NTM: variants seen among roughly 807,000 people sequenced by gnomAD.
The protein encoded by NTM is neurotrimin, also known as IgLON family member 2.
Under a neutral mutation model 42.1 loss-of-function variants are expected in NTM, and 13 were observed. That is an observed-to-expected ratio of 0.31 (90% CI 0.20 to 0.49). NTM has a LOEUF of 0.49. Ranked by LOEUF, NTM falls within the 20% of genes least tolerant of loss-of-function variation. The probability of loss-of-function intolerance (pLI) is 0.99; values close to 1 mark genes in which losing one functional copy is unlikely to be tolerated. For missense variants in NTM, 373 were observed against 452.8 expected, an observed-to-expected ratio of 0.82 and a Z score of 1.60; for synonymous variants, 187 against 179.2, an observed-to-expected ratio of 1.04 and a Z score of -0.35.
intron 2 of NTM, among the ~76,000 whole-genome samples, chr11:132,037,498 T>C (rs571756478): frequency 1.3e-5 from 2 of 152,346 alleles, no homozygotes; most frequent in South Asian, 4.1e-4. Flanking sequence ...TGAAGTCCTC[T>C]CCAGCTGACC....
chr11:132,040,406 G>T (rs1410168930), intron 2 of NTM, among the ~76,000 whole-genome samples: 2 of 152,208 alleles, frequency 1.3e-5, no homozygotes, highest in Non-Finnish European at 2.9e-5. Context: ...ATTGAAAGCT[G>T]CATGCACCAA....
chr11:132,142,870 G>A (rs368565640), intron 2 of NTM, among the ~76,000 whole-genome samples: 13 of 152,230 alleles, frequency 8.5e-5, no homozygotes, highest in East Asian at 3.9e-4. Flanking sequence ...GACGGCTTCC[G>A]TTTCTGTCAA....
At chr11:131,407,790 A>G (rs1299842090) in intron 1 of NTM, among the ~76,000 whole-genome samples, 1 of 152,144 alleles carries the variant, frequency 6.6e-6, no homozygotes, top group East Asian at 1.9e-4. Context: ...GGGCAGGGAG[A>G]GGAGACGCTT....
chr11:132,143,842 G>A (rs2069710999), intron 2 of NTM, among the ~76,000 whole-genome samples: 2 of 152,110 alleles, frequency 1.3e-5, no homozygotes, highest in South Asian at 4.2e-4. Context: ...GCAGTCATGG[G>A]GTCTGCAAGG....
intron 1 of NTM, among the ~76,000 whole-genome samples, chr11:131,556,159 T>C (rs1327260009): frequency 6.6e-6 from 1 of 152,078 alleles, no homozygotes; most frequent in Non-Finnish European, 1.5e-5. Flanking sequence ...TGAACACAAG[T>C]GACAAGATTA....
intron 1 of NTM, among the ~76,000 whole-genome samples, chr11:131,814,359 C>G (rs2092861347): frequency 6.6e-6 from 1 of 152,186 alleles, no homozygotes; most frequent in African/African-American, 2.4e-5. Flanking sequence ...CCTGGCACCA[C>G]TCCACCAGCT....
intron 4 of NTM, among the ~76,000 whole-genome samples, chr11:132,249,439 C>G (rs2091665196): frequency 6.6e-6 from 1 of 152,146 alleles, no homozygotes; most frequent in Non-Finnish European, 1.5e-5. Flanking sequence ...GAGGAGGCCA[C>G]CCACCTGCAG....
chr11:132,031,003 C>T (rs1469095655), intron 2 of NTM, among the ~76,000 whole-genome samples: 4 of 151,830 alleles, frequency 2.6e-5, no homozygotes, highest in Non-Finnish European at 1.5e-5. Context: ...CTCACCCAGA[C>T]CTGGTTGATG....
At chr11:132,145,789 G>A (rs146912070) in intron 2 of NTM, among the ~76,000 whole-genome samples, 182 of 152,260 alleles carry the variant, frequency 1.2e-3, no homozygotes, top group African/African-American at 4.2e-3. Context: ...CTGGGTCTCT[G>A]ATCTAACACA....
At chr11:131,738,854 G>A (rs1490363318) in intron 1 of NTM, among the ~76,000 whole-genome samples, 1 of 152,194 alleles carries the variant, frequency 6.6e-6, no homozygotes, top group Non-Finnish European at 1.5e-5. Context: ...GTGGAGAGAG[G>A]AGTGCTTGGT....
At chr11:132,152,502 A>T (rs557974366) in intron 3 of NTM, among the ~76,000 whole-genome samples, 1 of 152,328 alleles carries the variant, frequency 6.6e-6, no homozygotes, top group South Asian at 2.1e-4. Flanking sequence ...TGGTCATAAG[A>T]CTGTGTGTCT....
chr11:131,674,274 T>C (rs2070962090), intron 1 of NTM, among the ~76,000 whole-genome samples: 1 of 152,226 alleles, frequency 6.6e-6, no homozygotes, highest in Non-Finnish European at 1.5e-5. Flanking sequence ...ATGCAGTTCA[T>C]AAAAAGTCTT....
chr11:132,173,935 A>C (rs1323257786), intron 3 of NTM, among the ~76,000 whole-genome samples: 1 of 152,218 alleles, frequency 6.6e-6, no homozygotes, highest in Admixed American at 6.5e-5. Context: ...GTGAAAAACA[A>C]ACAAAAACCA....
intron 1 of NTM, among the ~76,000 whole-genome samples, chr11:131,518,407 T>C (rs1348005904): frequency 6.6e-6 from 1 of 152,274 alleles, no homozygotes; most frequent in African/African-American, 2.4e-5. Context: ...AGTCCTTTTT[T>C]TAAGCTGAGT....
intron 1 of NTM, among the ~76,000 whole-genome samples, chr11:131,423,029 C>CAA (rs1439450749): frequency 3.3e-5 from 5 of 152,166 alleles, no homozygotes; most frequent in African/African-American, 1.2e-4. Context: ...CTTTGCTACA[C>CAA]AAAGTGTGGT....
rs117543285 is a variant in NTM at position 132,142,821 on chromosome 11, C to T, written c.168-3461C>T. ...TTCTGAGTGCTAGTGCATCTGCAGA[C>T]GAACCTCTCTGGCCCTGTAGTGCGG... On this transcript the variant is annotated intron_variant, in intron 2 of 8. Transcript: ENST00000683400. Among the ~76,000 whole-genome samples the T allele has an allele frequency of 5.0e-3, 764 of 152,270 alleles. 1 individual carries two copies. Among genetic ancestry groups the T allele is most frequent in the Non-Finnish European group, 7.9e-3 (536 of 68,028 alleles).
chr11:131,538,921 C>CTTTTTTTTTTTTTTTTTTT (rs58463755), intron 1 of NTM, among the ~76,000 whole-genome samples: 20 of 102,416 alleles, frequency 2.0e-4, no homozygotes, highest in Non-Finnish European at 3.3e-4. Context: ...GTTAACTTAG[C>CTTTTTTTTTTTTTTTTTTT]TTTTTTTTTT....
At chr11:131,394,835 A>G (rs1442032200) in intron 1 of NTM, among the ~76,000 whole-genome samples, 5 of 152,126 alleles carry the variant, frequency 3.3e-5, no homozygotes, top group African/African-American at 7.2e-5. Context: ...CCTTCCTTCA[A>G]CAAATATTTG....
intron 1 of NTM, among the ~76,000 whole-genome samples, chr11:131,687,087 C>T (rs1342113379): frequency 6.6e-6 from 1 of 152,154 alleles, no homozygotes; most frequent in East Asian, 1.9e-4. Flanking sequence ...ACCTCACTTG[C>T]GGGTCAGGAC....
Sources: allele counts gnomAD v4.1 joint callset (sites outside exome capture counted in the v4.1 genomes callset), GRCh38; gene constraint gnomAD v4.1.1; transcripts MANE v1.5; gene names NCBI Gene and HGNC (gene_info 2026-07-23, HGNC 2026-07-21).